Variants in ELAVL4 observed in about 807,000 individuals in gnomAD.
The protein encoded by ELAVL4 is ELAV-like protein 4.
A neutral mutation model predicts 35.6 loss-of-function variants in ELAVL4; 1 was observed. The observed-to-expected ratio is 0.03, with a 90% CI of 0.01 to 0.13. ELAVL4 has a LOEUF of 0.13. Among genes scored for constraint, ELAVL4 ranks in the 10% least tolerant of loss-of-function variants. The probability of loss-of-function intolerance (pLI) is 1.00; values close to 1 mark genes in which losing one functional copy is unlikely to be tolerated. For missense variants in ELAVL4, 267 were observed against 464.9 expected, an observed-to-expected ratio of 0.57 and a Z score of 3.91; for synonymous variants, 156 against 171.0, an observed-to-expected ratio of 0.91 and a Z score of 0.69.
intron 1 of ELAVL4, among the ~76,000 whole-genome samples, chr1:50,075,415 A>G (rs954343338): frequency 3.3e-5 from 5 of 152,212 alleles, no homozygotes; most frequent in Non-Finnish European, 7.3e-5. Context: ...TTTTCATTTT[A>G]TTGGATACAA....
At chr1:50,098,966 C>T (rs1030689101), upstream of ELAVL4, among the ~76,000 whole-genome samples, 19 of 152,120 alleles carry the variant, frequency 1.2e-4, no homozygotes, top group African/African-American at 3.4e-4. Flanking sequence ...GAAAAGCAGC[C>T]GTGGGCTGTT....
At chr1:50,106,590 A>T (rs569069099), upstream of ELAVL4, among the ~76,000 whole-genome samples, 6 of 152,234 alleles carry the variant, frequency 3.9e-5, 1 homozygote, top group East Asian at 1.2e-3. Context: ...TACAAATGTC[A>T]CATCACTGAT....
chr1:50,068,582 C>G (rs751439692), intron 1 of ELAVL4, among the ~76,000 whole-genome samples: 2 of 152,162 alleles, frequency 1.3e-5, no homozygotes, highest in South Asian at 4.1e-4. Flanking sequence ...GCCTCAGTGT[C>G]TGGCATGTAG....
intron 1 of ELAVL4, among the ~76,000 whole-genome samples, chr1:50,058,384 A>G (rs141094023): frequency 1.3e-5 from 2 of 152,166 alleles, no homozygotes; most frequent in Non-Finnish European, 2.9e-5. Context: ...ATAGGAGGAA[A>G]CCAAACCACA....
At chr1:50,106,333 T>C (rs1336528903), upstream of ELAVL4, 8 of 1,613,758 alleles carry the variant, frequency 5.0e-6, no homozygotes, top group Middle Eastern at 1.7e-4. Flanking sequence ...GGCTGACTGA[T>C]ATGAGATTAC....
chr1:50,119,655 C>T lies in ELAVL4; in HGVS notation c.9+10457C>T, dbSNP rs184604932. On this transcript the variant is annotated intron_variant, in intron 1 of 6. Transcript: ENST00000371824. ...ATTGAATTTTGGAGGCATGGGCTTGCAGTTGGTATAATCTTAACAGTATTC... is the reference window on the plus strand; with the variant it reads ...ATTGAATTTTGGAGGCATGGGCTTGTAGTTGGTATAATCTTAACAGTATTC... Among the ~76,000 whole-genome samples, 9 of 152,072 alleles carry T rather than the reference C, an allele frequency of 5.9e-5. No homozygotes were observed. In the East Asian group the frequency reaches 1.7e-3, roughly 30 times the overall value.
chr1:50,109,099 ATAG>A lies in ELAVL4; in HGVS notation c.-86_-84del, dbSNP rs1209560003. 57 of 1,515,010 alleles carry A rather than the reference ATAG, an allele frequency of 3.8e-5. No individual in the cohort carries two copies. The highest frequency in any genetic ancestry group is 4.6e-5 in the Non-Finnish European group (52 of 1,135,446). The allele number at this position is 1,515,010 out of a possible 1,614,324, so 93.8% of individuals were successfully genotyped here. A position where few individuals can be genotyped will look rare whatever the true frequency, so the allele number is the denominator to read the frequency against. ...TGTGGATCTTTAATTATATATAACA[ATAG>A]TAGTCATTTTAAATATATATTCTGA... On this transcript the variant is annotated 5_prime_UTR_variant, in exon 1 of 7. Transcript: ENST00000371824.
At chr1:50,168,854 A>T (rs1557823644) in intron 2 of ELAVL4, among the ~76,000 whole-genome samples, 3 of 152,004 alleles carry the variant, frequency 2.0e-5, no homozygotes. Context: ...AAAGAACTCC[A>T]TCCTTAATAT....
chr1:50,051,777 T>C (rs1404885981), intron 1 of ELAVL4, among the ~76,000 whole-genome samples: 1 of 152,140 alleles, frequency 6.6e-6, no homozygotes, highest in Non-Finnish European at 1.5e-5. Flanking sequence ...GAATCATACA[T>C]AGAGTATTAG....
At chr1:50,097,552 T>C (rs997872722) in intron 1 of ELAVL4, among the ~76,000 whole-genome samples, 3 of 152,228 alleles carry the variant, frequency 2.0e-5, no homozygotes, top group Non-Finnish European at 4.4e-5. Flanking sequence ...GAATTACTAG[T>C]AGCAGAGATG....
At chr1:50,102,296 T>TAATAAAATAAAATAAAATAA (rs150940225), upstream of ELAVL4, among the ~76,000 whole-genome samples, 118 of 139,098 alleles carry the variant, frequency 8.5e-4, 1 homozygote, top group African/African-American at 2.6e-3. Context: ...AAAAATAAAA[T>TAATAAAATAAAATAAAATAA]AATAAAATAA....
chr1:50,113,831 G>T (rs1289826173), intron 1 of ELAVL4, among the ~76,000 whole-genome samples: 3 of 152,074 alleles, frequency 2.0e-5, no homozygotes, highest in Non-Finnish European at 4.4e-5. Context: ...GAAGCAGAGA[G>T]ACTCTGTGTG....
At position 50,109,104 on chromosome 1, in the gene ELAVL4, A is replaced by G; in HGVS notation, c.-86A>G. 1 of 1,519,006 alleles carries G rather than the reference A, an allele frequency of 6.6e-7. No individual in the cohort carries two copies. The highest frequency in any genetic ancestry group is 8.8e-7 in the Non-Finnish European group (1 of 1,136,022). 94.1% of individuals were successfully genotyped at this position (1,519,006 alleles called of 1,614,324 possible). A position where few individuals can be genotyped will look rare whatever the true frequency, so the allele number is the denominator to read the frequency against. Reference sequence around the variant, plus strand: ...ATCTTTAATTATATATAACAATAGTAGTCATTTTAAATATATATTCTGAAA... The same window carrying G: ...ATCTTTAATTATATATAACAATAGTGGTCATTTTAAATATATATTCTGAAA... On this transcript the variant is annotated 5_prime_UTR_variant, in exon 1 of 7. Transcript: ENST00000371824.
At chr1:50,055,657 A>G (rs747077607) in intron 1 of ELAVL4, among the ~76,000 whole-genome samples, 4 of 151,926 alleles carry the variant, frequency 2.6e-5, no homozygotes, top group Non-Finnish European at 4.4e-5. Context: ...TGTTGAAAAA[A>G]TCTTTCTACT....
intron 1 of ELAVL4, among the ~76,000 whole-genome samples, chr1:50,118,961 A>T (rs866454406): frequency 2.6e-4 from 33 of 125,808 alleles, no homozygotes; most frequent in Admixed American, 2.4e-3. Flanking sequence ...AGAGAGAGAG[A>T]GAGGGAGGGA....
intron 1 of ELAVL4, among the ~76,000 whole-genome samples, chr1:50,072,413 G>T (rs1233342095): frequency 6.6e-6 from 1 of 152,160 alleles, no homozygotes; most frequent in Non-Finnish European, 1.5e-5. Context: ...TCCTTCTCCA[G>T]CAGAGACATG....
At chr1:50,053,204 T>A (rs1663480754) in intron 1 of ELAVL4, among the ~76,000 whole-genome samples, 1 of 152,240 alleles carries the variant, frequency 6.6e-6, no homozygotes, top group Admixed American at 6.5e-5. Flanking sequence ...CAACAAGTTA[T>A]AGTTGGGGTG....
At chr1:50,124,710 C>T (rs751771494) in intron 1 of ELAVL4, among the ~76,000 whole-genome samples, 26 of 152,078 alleles carry the variant, frequency 1.7e-4, no homozygotes, top group Non-Finnish European at 3.2e-4. Context: ...GCAGCTTCAA[C>T]TTCCCAAGGA....
intron 1 of ELAVL4, among the ~76,000 whole-genome samples, chr1:50,126,292 G>C (rs1669902334): frequency 6.6e-6 from 1 of 152,142 alleles, no homozygotes; most frequent in Non-Finnish European, 1.5e-5. Flanking sequence ...GTCAAAGACT[G>C]TGTTGGCCCC....
Sources: allele counts gnomAD v4.1 joint callset (sites outside exome capture counted in the v4.1 genomes callset), GRCh38; gene constraint gnomAD v4.1.1; transcripts MANE v1.5; gene names NCBI Gene and HGNC (gene_info 2026-07-23, HGNC 2026-07-21).